The following STAU1 variants were observed in gnomAD, a reference collection of about 807,000 sequenced individuals.
STAU1 encodes the protein staufen double-stranded RNA binding protein 1, also known as double-stranded RNA-binding protein Staufen homolog 1.
STAU1 carries 13 observed loss-of-function variants against 62.9 expected under a neutral mutation model. The ratio of observed to expected loss-of-function variants is 0.21; its 90% CI spans 0.13 to 0.33. STAU1 has a LOEUF of 0.33. Ranked by LOEUF, STAU1 falls within the 10% of genes least tolerant of loss-of-function variation. STAU1 has a pLI of 1.00. For synonymous variants in STAU1, 269 were observed against 265.1 expected (o/e 1.01, Z -0.14); for missense variants, 571 against 712.1 (o/e 0.80, Z 2.25).
the STAU1 span, among the ~76,000 whole-genome samples, chr20:49,205,339 A>C: frequency 6.7e-6 from 1 of 149,934 alleles, no homozygotes; most frequent in African/African-American, 2.4e-5. Context: ...CCTGGTCTCT[A>C]GATAATTTCT....
chr20:49,141,620 C>T (rs979567649), intron 5 of STAU1, among the ~76,000 whole-genome samples: 4 of 152,186 alleles, frequency 2.6e-5, no homozygotes, highest in Admixed American at 1.3e-4. Flanking sequence ...ACGGGCCAGG[C>T]GAGGTGGCTC....
At chr20:49,206,751 A>ATATTTTTTTT in the STAU1 span, among the ~76,000 whole-genome samples, 1 of 95,040 alleles carries the variant, frequency 1.1e-5, no homozygotes, top group African/African-American at 4.3e-5. Flanking sequence ...ATATATATAT[A>ATATTTTTTTT]TTTTATTTTA....
At chr20:49,170,089 A>G (rs996297268) in intron 2 of STAU1, among the ~76,000 whole-genome samples, 1 of 152,176 alleles carries the variant, frequency 6.6e-6, no homozygotes, top group African/African-American at 2.4e-5. Flanking sequence ...TTTTTTTTAA[A>G]TTATACATGA....
At chr20:49,206,414 G>GTTTT in the STAU1 span, among the ~76,000 whole-genome samples, 307 of 76,608 alleles carry the variant, frequency 4.0e-3, 7 homozygotes, top group African/African-American at 8.7e-3. Context: ...CTTCCTTCTG[G>GTTTT]TTTTTTTTTT....
At chr20:49,180,387 G>C (rs1022977954) in intron 1 of STAU1, among the ~76,000 whole-genome samples, 1 of 150,370 alleles carries the variant, frequency 6.7e-6, no homozygotes, top group Non-Finnish European at 1.5e-5. Context: ...GCAGCGGCAC[G>C]ATGTCAGGTC....
chr20:49,178,909 T>TA (rs11324304), intron 1 of STAU1, among the ~76,000 whole-genome samples: 5,784 of 116,358 alleles, frequency 0.05, 507 homozygotes, highest in African/African-American at 0.18. Context: ...CCGTCTCCAC[T>TA]AAAAAAAAAA....
chr20:49,196,685 A>C, the STAU1 span, among the ~76,000 whole-genome samples: 1 of 150,878 alleles, frequency 6.6e-6, no homozygotes, highest in East Asian at 2.0e-4. Flanking sequence ...GAATCGTTGA[A>C]ACCCAGGAGC....
chr20:49,176,790 C>A (rs940387088), intron 1 of STAU1, among the ~76,000 whole-genome samples: 25 of 152,196 alleles, frequency 1.6e-4, no homozygotes, highest in African/African-American at 6.0e-4. Flanking sequence ...TGCCTTTTAC[C>A]AATAGGGGCC....
At chr20:49,149,019 G>C (rs1267864306) in intron 5 of STAU1, among the ~76,000 whole-genome samples, 2 of 152,140 alleles carry the variant, frequency 1.3e-5, no homozygotes, top group Non-Finnish European at 1.5e-5. Context: ...GGAAGGCCAA[G>C]GTGGTCAGAT....
intron 5 of STAU1, among the ~76,000 whole-genome samples, chr20:49,137,287 T>C (rs865956389): frequency 6.6e-6 from 1 of 152,066 alleles, no homozygotes; most frequent in Non-Finnish European, 1.5e-5. Context: ...ACTAATAAAG[T>C]CTCCTCAACA....
At chr20:49,119,784 C>G (rs78764623) in intron 9 of STAU1, among the ~76,000 whole-genome samples, 198 bp downstream of exon 9, 1,617 of 152,266 alleles carry the variant, frequency 0.011, 25 homozygotes, top group African/African-American at 0.035. Context: ...CGATCTAACC[C>G]AGAGCCTCCT....
chr20:49,172,476 GAGACTTTTAAAAGT>G (rs949771265), intron 2 of STAU1, among the ~76,000 whole-genome samples: 1 of 152,146 alleles, frequency 6.6e-6, no homozygotes, highest in African/African-American at 2.4e-5. Context: ...TGATCTGCTG[GAGACTTTTAAAAGT>G]AGTTCTGTGT....
chr20:49,192,337 C>T (rs2146673492), upstream of STAU1, among the ~76,000 whole-genome samples: 1 of 137,522 alleles, frequency 7.3e-6, no homozygotes, highest in South Asian at 2.4e-4. Context: ...CAGAGCGAGA[C>T]TCCATCTCAA....
At chr20:49,175,536 G>C (rs191446488) in intron 1 of STAU1, among the ~76,000 whole-genome samples, 1 of 152,208 alleles carries the variant, frequency 6.6e-6, no homozygotes, top group East Asian at 1.9e-4. Context: ...ATGGAGTGCA[G>C]TGGCGTGATG....
chr20:49,195,090 A>C, the STAU1 span, among the ~76,000 whole-genome samples: 1 of 152,240 alleles, frequency 6.6e-6, no homozygotes, highest in Non-Finnish European at 1.5e-5. Context: ...TCATTGACTC[A>C]GGAAAATAAA....
intron 6 of STAU1, among the ~76,000 whole-genome samples, chr20:49,132,429 C>A (rs867775315): frequency 1.3e-5 from 2 of 152,192 alleles, no homozygotes; most frequent in South Asian, 4.1e-4. Flanking sequence ...TCCATCAGCA[C>A]CATCACATTT....
chr20:49,118,393 G>A lies in STAU1; in HGVS notation c.1129C>T (p.Pro377Ser), dbSNP rs1471770368. The A allele has an allele frequency of 6.2e-7, 1 of 1,611,906 alleles. No individual in the cohort carries two copies. The highest frequency in any genetic ancestry group is 1.7e-5 in the Admixed American group (1 of 59,856). ...AAGGTTACTTTTCTTCCATCCCCTG[G>A]TTTCTTTATGGGTGTCTTAAAAAAG... ...KSEEKTPIKK[P>S]GDGRKVTFFE... Residue 377 changes from proline (P) to serine (S), a missense_variant, in exon 10 of 14, where the codon CCA becomes TCA. Pro to Ser is a moderately conservative substitution (Grantham distance 74). Around this residue, in one of 3 missense-constraint regions of STAU1, gnomAD observed 414 missense variants for 499.6 expected, o/e 0.83. Coordinates refer to ENST00000371856, the MANE Select transcript of STAU1 (RefSeq NM_017453.4).
the STAU1 span, among the ~76,000 whole-genome samples, chr20:49,210,744 A>G: frequency 6.6e-6 from 1 of 152,176 alleles, no homozygotes; most frequent in African/African-American, 2.4e-5. Flanking sequence ...TGACTTTTCT[A>G]TCATCCCCCA....
chr20:49,155,591 T>TA (rs1357942103), intron 3 of STAU1, among the ~76,000 whole-genome samples: 1 of 152,056 alleles, frequency 6.6e-6, no homozygotes, highest in African/African-American at 2.4e-5. Context: ...TAGAGAGAAA[T>TA]AAAAAAGACC....
Sources: allele counts gnomAD v4.1 joint callset (sites outside exome capture counted in the v4.1 genomes callset), GRCh38; gene constraint gnomAD v4.1.1; regional missense constraint gnomAD v4.1.1; transcripts MANE v1.5; gene names NCBI Gene and HGNC (gene_info 2026-07-23, HGNC 2026-07-21).